MAP3K9: variants seen among roughly 807,000 people sequenced by gnomAD.
The protein encoded by MAP3K9 is mitogen-activated protein kinase kinase kinase 9, also known as mixed lineage kinase 1 (tyr and ser/thr specificity).
In MAP3K9, 46 loss-of-function variants were observed where a neutral mutation model predicts 95.8. The observed-to-expected ratio is 0.48, with a 90% confidence interval of 0.38 to 0.61. The LOEUF (loss-of-function observed/expected upper bound fraction) is 0.61, where lower values mean the gene tolerates loss of function less well. Among genes scored for constraint, MAP3K9 ranks in the 20% least tolerant of loss-of-function variants. The pLI is 0.00. For missense variants in MAP3K9, 1,296 were observed against 1,474.3 expected, an observed-to-expected ratio of 0.88 and a Z score of 1.98; for synonymous variants, 533 against 593.8, an observed-to-expected ratio of 0.90 and a Z score of 1.49.
rs977683709 is a variant in MAP3K9 at position 70,730,812 on chromosome 14, G to C, written c.2883C>G (p.Leu961=). ...GGGGGAAGACCACATTGGGGTCAGG[G>C]AGACGGGGGAATTCACCTGGGTCTC... ...PSRDPGEFPR[L]PDPNVVFPPT... is the part of the protein sequence containing the mutation. The change falls in exon 12 of 12, where the codon CTC becomes CTG. Residue 961 remains leucine, a synonymous_variant. Transcript: ENST00000554752. 6.2e-7 allele frequency: 1 copy of C among 1,612,438 alleles called. No individual in the cohort carries two copies. The highest frequency in any genetic ancestry group is 1.7e-5 in the Admixed American group (1 of 59,994).
At chr14:70,752,191 T>G (rs897923077) in intron 3 of MAP3K9, among the ~76,000 whole-genome samples, 3 of 152,236 alleles carry the variant, frequency 2.0e-5, no homozygotes, top group African/African-American at 7.2e-5. Context: ...GGGAATAGCA[T>G]TGGATACTTT....
chr14:70,724,931 T>C lies in MAP3K9; in HGVS notation c.*5449A>G, dbSNP rs1219100437. The stretch of plus-strand genomic sequence containing the variant: ...AGACACCTAACTAGTTAGACACCTA[T>C]CTCGATAGACACCTGTCATGTCCAC... On this transcript the variant is annotated 3_prime_UTR_variant, in exon 12 of 12. Transcript: ENST00000554752. 6.6e-6 allele frequency: 1 copy of C among 152,202 alleles called. No individual in the cohort carries two copies. The highest frequency in any genetic ancestry group is 6.5e-5 in the Admixed American group (1 of 15,282). 9.4% of individuals were successfully genotyped at this position (152,202 alleles called of 1,614,324 possible).
rs2053771180 is a variant in MAP3K9, at chr14:70,722,774, A to G, written c.*7606T>C. On this transcript the variant is annotated 3_prime_UTR_variant, in exon 12 of 12. Coordinates refer to ENST00000554752, the MANE Select transcript of MAP3K9 (RefSeq NM_001284230.2). ...GACAACATACAATAACTTAAATCCC[A>G]AAGCAAAGTGGGAATTCAAGGACAC... 6.6e-6 allele frequency: 1 copy of G among 152,204 alleles called. No individual in the cohort carries two copies. The highest frequency in any genetic ancestry group is 1.5e-5 in the Non-Finnish European group (1 of 68,028). The allele number at this position is 152,204 out of a possible 1,614,324, so 9.4% of individuals were successfully genotyped here. A position where few individuals can be genotyped will look rare whatever the true frequency, so the allele number is the denominator to read the frequency against.
intron 2 of MAP3K9, among the ~76,000 whole-genome samples, chr14:70,786,197 G>A (rs1231517876): frequency 6.6e-6 from 1 of 152,080 alleles, no homozygotes; most frequent in African/African-American, 2.4e-5. Context: ...CTGTGCATTT[G>A]GGCAAAGCAA....
rs141298497 is a variant in MAP3K9 at position 70,723,828 on chromosome 14, A to G, written c.*6552T>C. ...TTCTTATCATGTATTATTCGTCTTT[A>G]TAACTAGGCCAGGATACATCTTTGC... On this transcript the variant is annotated 3_prime_UTR_variant, in exon 12 of 12. Coordinates refer to ENST00000554752, the MANE Select transcript of MAP3K9 (RefSeq NM_001284230.2). 6.6e-6 allele frequency: 1 copy of G among 152,356 alleles called. No individual in the cohort carries two copies. Among genetic ancestry groups the G allele is most frequent in the African/African-American group, 2.4e-5 (1 of 41,582 alleles). The allele number at this position is 152,356 out of a possible 1,614,324, so 9.4% of individuals were successfully genotyped here.
intron 2 of MAP3K9, among the ~76,000 whole-genome samples, chr14:70,770,507 C>G (rs934130250): frequency 6.6e-6 from 1 of 152,072 alleles, no homozygotes; most frequent in Non-Finnish European, 1.5e-5. Context: ...TCTAAATTCA[C>G]ATGGACCTAC....
At position 70,733,264 on chromosome 14, in the gene MAP3K9, G is replaced by C. The variant is rs1475710727; in HGVS notation, c.2105C>G (p.Pro702Arg). ...HSPSQSYLCI[P>R]FPRGEDGDGP... ...ATCGCCATCCTCTCCACGAGGGAAT[G>C]GGATACAGAGGTAGGACTGGCTGGG... Residue 702 changes from proline (P) to arginine (R), a missense_variant, in exon 11 of 12, where the codon CCA (proline) becomes CGA (arginine). By Grantham distance (103) the Pro-to-Arg change is moderately radical. Coordinates refer to ENST00000554752, the MANE Select transcript of MAP3K9 (RefSeq NM_001284230.2). 2 of 1,611,886 alleles carry C rather than the reference G, an allele frequency of 1.2e-6. No homozygotes were observed. Among genetic ancestry groups the C allele is most frequent in the Non-Finnish European group, 1.7e-6 (2 of 1,178,600 alleles).
At chr14:70,774,208 C>T (rs2054565941) in intron 2 of MAP3K9, among the ~76,000 whole-genome samples, 1 of 152,192 alleles carries the variant, frequency 6.6e-6, no homozygotes, top group Non-Finnish European at 1.5e-5. Flanking sequence ...AAGGGGTGTT[C>T]AAATACCGTG....
chr14:70,799,870 A>G (rs890722027), intron 2 of MAP3K9, among the ~76,000 whole-genome samples: 2 of 152,162 alleles, frequency 1.3e-5, no homozygotes, highest in African/African-American at 4.8e-5. Flanking sequence ...AGTACATACC[A>G]TTATGCAATT....
rs373287003 is a variant in MAP3K9 at position 70,800,816 on chromosome 14, C to T, written c.671G>A (p.Arg224His). 12 of 1,614,074 alleles carry T rather than the reference C, an allele frequency of 7.4e-6. No homozygotes were observed. Among genetic ancestry groups the T allele is most frequent in the Admixed American group, 1.7e-5 (1 of 60,000 alleles). Residue 224 changes from arginine (R) to histidine (H), a missense_variant, in exon 2 of 12, where the codon CGT (arginine) becomes CAT (histidine). Transcript: ENST00000554752. ...PNLCLVMEFA[R>H]GGPLNRVLSG... ...TAACACTCTATTCAAAGGTCCTCCACGAGCAAACTCCATGACCAAGCAGAG... is the reference window on the plus strand; with the variant it reads ...TAACACTCTATTCAAAGGTCCTCCATGAGCAAACTCCATGACCAAGCAGAG...
intron 5 of MAP3K9, 34 bp downstream of exon 5, chr14:70,748,795 T>C: frequency 6.4e-7 from 1 of 1,563,636 alleles, no homozygotes; most frequent in Non-Finnish European, 8.7e-7. Context: ...TTTCTTTTCG[T>C]TCGTTTTTTT....
At chr14:70,784,409 T>C (rs1040007014) in intron 2 of MAP3K9, among the ~76,000 whole-genome samples, 1 of 152,094 alleles carries the variant, frequency 6.6e-6, no homozygotes, top group African/African-American at 2.4e-5. Context: ...TGGACAGCTG[T>C]ATGCAAGCAC....
rs770971078 is a variant in MAP3K9 at position 70,740,043 on chromosome 14, C to T, written c.1689G>A (p.Gln563=). ...PTIIPRLRAI[Q]LTPGESSKTW... The stretch of plus-strand genomic sequence containing the variant: ...AGCTAATTTGGGAAACAGTCTCACA[C>T]TGGATGGCTCGAAGGCGAGGAATGA... The change falls in exon 7 of 12, where the codon CAG becomes CAA. Residue 563 remains glutamine (Q), a splice_region_variant and synonymous_variant. Coordinates refer to ENST00000554752, the MANE Select transcript of MAP3K9 (RefSeq NM_001284230.2). The T allele has an allele frequency of 1.2e-6, 2 of 1,614,066 alleles. No individual in the cohort carries two copies. The highest frequency in any genetic ancestry group is 2.7e-5 in the African/African-American group (2 of 74,918).
chr14:70,794,149 G>C (rs117540963), intron 2 of MAP3K9, among the ~76,000 whole-genome samples: 1,585 of 152,294 alleles, frequency 0.01, 19 homozygotes, highest in Non-Finnish European at 0.017. Context: ...GGAGGAAAGG[G>C]GAGACCAGCT....
chr14:70,743,168 A>T (rs1326442396), intron 5 of MAP3K9, among the ~76,000 whole-genome samples: 1 of 151,852 alleles, frequency 6.6e-6, no homozygotes, highest in Non-Finnish European at 1.5e-5. Context: ...TTTGTATTTT[A>T]GTAGAGATTA....
intron 2 of MAP3K9, among the ~76,000 whole-genome samples, chr14:70,786,784 T>C (rs8019513): frequency 0.25 from 38,336 of 152,176 alleles, 5,854 homozygotes; most frequent in East Asian, 0.32. Flanking sequence ...TCTAATCATA[T>C]CTATAAGCAA....
intron 2 of MAP3K9, among the ~76,000 whole-genome samples, chr14:70,797,009 C>T (rs942839698): frequency 6.6e-6 from 1 of 152,216 alleles, no homozygotes; most frequent in South Asian, 2.1e-4. Flanking sequence ...ATATGCCATA[C>T]GCGTTTCACT....
intron 2 of MAP3K9, among the ~76,000 whole-genome samples, chr14:70,773,229 A>G (rs1332094179): frequency 2.6e-5 from 4 of 152,186 alleles, no homozygotes. Flanking sequence ...CTTCCATCGC[A>G]CATCCAAGCA....
At chr14:70,797,767 A>G (rs1490284356) in intron 2 of MAP3K9, among the ~76,000 whole-genome samples, 1 of 152,172 alleles carries the variant, frequency 6.6e-6, no homozygotes, top group East Asian at 1.9e-4. Flanking sequence ...ATCATTTTCA[A>G]GTCATGTACA....
Sources: allele counts gnomAD v4.1 joint callset (sites outside exome capture counted in the v4.1 genomes callset), GRCh38; gene constraint gnomAD v4.1.1; transcripts MANE v1.5; gene names NCBI Gene and HGNC (gene_info 2026-07-23, HGNC 2026-07-21).